The following CCDC60 variants were observed in gnomAD, a reference collection of about 807,000 sequenced individuals.
CCDC60 encodes the protein coiled-coil domain containing 60, also known as coiled-coil domain-containing protein 60.
A neutral mutation model predicts 63.5 loss-of-function variants in CCDC60; 54 were observed. The ratio of observed to expected loss-of-function variants is 0.85; its 90% CI spans 0.68 to 1.07. The LOEUF (loss-of-function observed/expected upper bound fraction) is 1.07. CCDC60 is among the 50% of genes least tolerant of loss of function. The pLI is 0.00. For missense variants in CCDC60, 651 were observed against 684.3 expected (o/e 0.95, Z 0.54); for synonymous variants, 206 against 238.8 (o/e 0.86, Z 1.27).
chr12:119,451,234 G>T (rs1040436753), intron 2 of CCDC60, among the ~76,000 whole-genome samples: 1 of 152,186 alleles, frequency 6.6e-6, no homozygotes, highest in African/African-American at 2.4e-5. Context: ...GTGCAAGGTG[G>T]AAGAGCAAAA....
At chr12:119,475,278 T>A (rs995745100) in intron 3 of CCDC60, among the ~76,000 whole-genome samples, 1 of 152,196 alleles carries the variant, frequency 6.6e-6, no homozygotes, top group Admixed American at 6.5e-5. Flanking sequence ...TGGGGAAAGA[T>A]GGTGTCTATG....
chr12:119,458,772 A>G (rs1566020896), intron 2 of CCDC60, among the ~76,000 whole-genome samples: 1 of 145,906 alleles, frequency 6.9e-6, no homozygotes, highest in Non-Finnish European at 1.5e-5. Flanking sequence ...TTTGAGACAG[A>G]ATCTCACTCT....
At chr12:119,505,358 G>A in intron 7 of CCDC60, 55 bp downstream of exon 7, 1 of 1,254,932 alleles carries the variant, frequency 8.0e-7, no homozygotes. Flanking sequence ...CTTTAAGCCA[G>A]ACATCAAGAA....
chr12:119,498,665 G>A (rs548194351), intron 5 of CCDC60, among the ~76,000 whole-genome samples: 38 of 152,098 alleles, frequency 2.5e-4, no homozygotes, highest in Non-Finnish European at 3.1e-4. Flanking sequence ...TCTGCTAGGC[G>A]AGAGCTAGAC....
chr12:119,367,547 G>A (rs985098909), intron 1 of CCDC60, among the ~76,000 whole-genome samples: 1 of 152,178 alleles, frequency 6.6e-6, no homozygotes. Context: ...GGAGGTCTGA[G>A]TCCCAGGTTT....
At chr12:119,427,331 T>TAAAAAAAA (rs1956919880) in intron 1 of CCDC60, among the ~76,000 whole-genome samples, 1 of 152,242 alleles carries the variant, frequency 6.6e-6, no homozygotes, top group African/African-American at 2.4e-5. Context: ...TATTACTTTG[T>TAAAAAAAA]AACATGTCTT....
chr12:119,391,741 T>C (rs1337767514), intron 1 of CCDC60, among the ~76,000 whole-genome samples: 1 of 152,196 alleles, frequency 6.6e-6, no homozygotes, highest in Non-Finnish European at 1.5e-5. Context: ...TAAAAGAATT[T>C]TGTTGTGTAG....
At chr12:119,364,908 G>A (rs1039477580) in intron 1 of CCDC60, among the ~76,000 whole-genome samples, 2 of 152,154 alleles carry the variant, frequency 1.3e-5, no homozygotes, top group African/African-American at 4.8e-5. Context: ...AGCCAAGGAT[G>A]ACTGGGAGTG....
chr12:119,366,056 CAGAT>C (rs1291431182), intron 1 of CCDC60, among the ~76,000 whole-genome samples: 1 of 152,126 alleles, frequency 6.6e-6, no homozygotes, highest in Admixed American at 6.5e-5. Context: ...TATAAATAGA[CAGAT>C]AGATATACAC....
chr12:119,404,440 C>G (rs1415251450), intron 1 of CCDC60, among the ~76,000 whole-genome samples: 1 of 152,212 alleles, frequency 6.6e-6, no homozygotes, highest in Non-Finnish European at 1.5e-5. Context: ...TACCTCCCCC[C>G]CACCACCCTG....
intron 13 of CCDC60, 130 bp downstream of exon 13, chr12:119,531,193 T>C (rs1167758372): frequency 4.0e-6 from 3 of 752,208 alleles, no homozygotes; most frequent in Non-Finnish European, 6.4e-6. Flanking sequence ...ATTCTAATAG[T>C]AGAGGGATTG....
chr12:119,422,173 G>A (rs61938079), intron 1 of CCDC60, among the ~76,000 whole-genome samples: 6,849 of 152,188 alleles, frequency 0.045, 188 homozygotes, highest in Non-Finnish European at 0.067. Flanking sequence ...AGTCATCACC[G>A]GTGCTCTGCA....
intron 8 of CCDC60, among the ~76,000 whole-genome samples, chr12:119,516,920 T>C (rs368273836): frequency 3.6e-4 from 55 of 152,344 alleles, no homozygotes; most frequent in African/African-American, 1.3e-3. Context: ...AGAGAGCCTA[T>C]GTGACTAGTT....
In CCDC60 at chr12:119,420,858, T is replaced by C. The variant is rs1020472885; in HGVS notation, c.91-7825T>C. Reference sequence around the variant, plus strand: ...TGCACTTATTATGTACCCACAAAAATAAAAAATAAAATATTAAAACCACCA... The same window carrying C: ...TGCACTTATTATGTACCCACAAAAACAAAAAATAAAATATTAAAACCACCA... On this transcript the variant is annotated intron_variant, in intron 1 of 13. Coordinates refer to ENST00000327554, the MANE Select transcript of CCDC60 (RefSeq NM_178499.5). This position sits in a 1 kb window ranked among gnomAD's most constrained non-coding sequence, Gnocchi z 4.1. 2.0e-5 allele frequency among the ~76,000 whole-genome samples: 3 copies of C among 152,060 alleles called. No homozygotes were observed. The highest frequency in any genetic ancestry group is 7.2e-5 in the African/African-American group (3 of 41,414).
At chr12:119,472,549 A>C (rs1350032891) in intron 3 of CCDC60, among the ~76,000 whole-genome samples, 1 of 150,676 alleles carries the variant, frequency 6.6e-6, no homozygotes, top group Non-Finnish European at 1.5e-5. Flanking sequence ...CATTGTCCAC[A>C]GAAACCAGGT....
chr12:119,339,946 A>G (rs964848405), intron 1 of CCDC60, among the ~76,000 whole-genome samples: 2 of 152,138 alleles, frequency 1.3e-5, no homozygotes, highest in Non-Finnish European at 2.9e-5. Context: ...GTGGGTTCGA[A>G]CCCCAACACT....
At position 119,335,111 on chromosome 12, in the gene CCDC60, G is replaced by GA; in HGVS notation, c.-64dup. 1 of 1,323,196 alleles carries GA rather than the reference G, an allele frequency of 7.6e-7. No homozygotes were observed. The highest frequency in any genetic ancestry group is 2.4e-5 in the East Asian group (1 of 42,082). 82.0% of individuals were successfully genotyped at this position (1,323,196 alleles called of 1,614,324 possible). Reference sequence around the variant, plus strand: ...GAAACTTCTCATACCAGTAACTACTGAAGTAGAAGATTCTGGAAAAATCCT... The same window carrying GA: ...GAAACTTCTCATACCAGTAACTACTGAAAGTAGAAGATTCTGGAAAAATCCT... On this transcript the variant is annotated 5_prime_UTR_variant, in exon 1 of 14. Transcript: ENST00000327554.
At chr12:119,508,666 G>A (rs1421636675) in intron 7 of CCDC60, among the ~76,000 whole-genome samples, 2 of 152,174 alleles carry the variant, frequency 1.3e-5, no homozygotes, top group African/African-American at 4.8e-5. Context: ...TGAAGCTGAG[G>A]AGGGAGGCAG....
In CCDC60 at chr12:119,456,007, G is replaced by GAAA. The variant is rs377563101; in HGVS notation, c.171-15986_171-15984dup. On this transcript the variant is annotated intron_variant, in intron 2 of 13. Transcript: ENST00000327554. This position sits in a 1 kb window ranked among gnomAD's most constrained non-coding sequence, Gnocchi z 4.6. ...AGAGAAAGAGAGAGAGAAAGAGAAA[G>GAAA]AAAGAAAGAAAGAAAGAAAGAAAGA... is the stretch of plus-strand genomic sequence containing the variant. Among the ~76,000 whole-genome samples the GAAA allele has an allele frequency of 1.8e-5, 2 of 113,504 alleles. No homozygotes were observed. Among genetic ancestry groups the GAAA allele is most frequent in the Non-Finnish European group, 3.6e-5 (2 of 55,558 alleles). 74.5% of individuals were successfully genotyped at this position (113,504 alleles called of 152,430 possible). A position where few individuals can be genotyped will look rare whatever the true frequency, so the allele number is the denominator to read the frequency against.
Sources: gnomAD v4.1 joint callset for allele counts (sites outside exome capture counted in the v4.1 genomes callset) on GRCh38, gnomAD v4.1.1 for gene constraint, Gnocchi (gnomAD v3.1) non-coding constraint, MANE v1.5 for transcripts, NCBI Gene and HGNC (gene_info 2026-07-23, HGNC 2026-07-21) for gene names.